THAP9: variants seen among roughly 807,000 people sequenced by gnomAD.
THAP9 encodes DNA transposase THAP9.
A neutral mutation model predicts 35.7 loss-of-function variants in THAP9; 20 were observed. The observed-to-expected ratio is 0.56, with a 90% CI of 0.39 to 0.81. The LOEUF is 0.81. Among genes scored for constraint, THAP9 ranks in the 40% least tolerant of loss-of-function variants. The pLI is 0.00. For synonymous variants in THAP9, 335 were observed against 373.7 expected (o/e 0.90, Z 1.19); for missense variants, 870 against 1,047.4 (o/e 0.83, Z 2.34).
intron 1 of THAP9, chr4:82,901,124 G>T (rs946929885): frequency 2.9e-6 from 2 of 690,650 alleles, no homozygotes; most frequent in Admixed American, 2.0e-5. Flanking sequence ...GCTTTAAGGA[G>T]AGTTACGCGA....
At chr4:82,912,266 A>C (rs2126015060) in intron 4 of THAP9, among the ~76,000 whole-genome samples, 1 of 152,308 alleles carries the variant, frequency 6.6e-6, no homozygotes, top group East Asian at 1.9e-4. Context: ...TCATAGATAG[A>C]AAATGCTGGC....
chr4:82,912,771 G>A lies in THAP9; in HGVS notation c.732-4173G>A, dbSNP rs534140041. On this transcript the variant is annotated intron_variant, in intron 4 of 4. Coordinates refer to ENST00000302236, the MANE Select transcript of THAP9 (RefSeq NM_024672.6). Reference sequence around the variant, plus strand: ...TGTATATGTGTAAGGGTGCACATGCGTGCATATACACATTGTGGTACTGTT... The same window carrying A: ...TGTATATGTGTAAGGGTGCACATGCATGCATATACACATTGTGGTACTGTT... 5.3e-5 allele frequency among the ~76,000 whole-genome samples: 8 copies of A among 152,218 alleles called. No homozygotes were observed. In the South Asian group the frequency reaches 1.0e-3, roughly 20 times the overall value.
intron 1 of THAP9, among the ~76,000 whole-genome samples, chr4:82,904,278 T>G (rs1368501398): frequency 6.6e-6 from 1 of 152,058 alleles, no homozygotes; most frequent in African/African-American, 2.4e-5. Context: ...TTGTCCAGGC[T>G]GGTCTTGAAC....
rs1721096227 is a variant in THAP9 at position 82,917,875 on chromosome 4, G to A, written c.1663G>A (p.Val555Ile). The change falls in exon 5 of 5, where the codon GTT (valine) becomes ATT (isoleucine). Residue 555 changes from valine to isoleucine, a missense_variant. Val to Ile is a conservative substitution (Grantham distance 29). Coordinates refer to ENST00000302236, the MANE Select transcript of THAP9 (RefSeq NM_024672.6). Reference protein sequence around the residue: ...HVLIEAKTIFVTLSDTSNNQI... With the variant: ...HVLIEAKTIFITLSDTSNNQI... The stretch of plus-strand genomic sequence containing the variant: ...GTTAATTGAAGCCAAGACTATTTTT[G>A]TTACATTATCTGACACTAGCAATAA... 6.2e-7 allele frequency: 1 copy of A among 1,613,020 alleles called. No individual in the cohort carries two copies. Among genetic ancestry groups the A allele is most frequent in the South Asian group, 1.1e-5 (1 of 91,030 alleles).
intron 4 of THAP9, among the ~76,000 whole-genome samples, chr4:82,915,239 A>ATTGTT (rs6148550): frequency 3.0e-4 from 45 of 151,444 alleles, no homozygotes; most frequent in African/African-American, 1.1e-3. Context: ...TAAGTATGTT[A>ATTGTT]TTGTTTTGTT....
intron 1 of THAP9, chr4:82,901,119 A>C (rs1385546420): frequency 2.9e-6 from 2 of 693,106 alleles, no homozygotes; most frequent in Non-Finnish European, 5.3e-6. Flanking sequence ...CTACCGCTTT[A>C]AGGAGAGTTA....
In THAP9 at chr4:82,917,639, A is replaced by G; in HGVS notation, c.1427A>G (p.Asn476Ser). Residue 476 changes from asparagine to serine, a missense_variant, in exon 5 of 5, where the codon AAT (asparagine) becomes AGT (serine). Coordinates refer to ENST00000302236, the MANE Select transcript of THAP9 (RefSeq NM_024672.6). ...ANLKNHVLKV[N>S]SATQLFSESV... ...TTGAAAAATCATGTACTGAAAGTGA[A>G]TAGTGCCACCCAACTCTTTAGTGAG... The G allele has an allele frequency of 1.2e-6, 2 of 1,613,960 alleles. No individual in the cohort carries two copies. The highest frequency in any genetic ancestry group is 2.7e-5 in the African/African-American group (2 of 75,056).
At chr4:82,905,339 A>G (rs1364465844) in intron 2 of THAP9, among the ~76,000 whole-genome samples, 2 of 152,162 alleles carry the variant, frequency 1.3e-5, no homozygotes, top group African/African-American at 4.8e-5. Flanking sequence ...TTGATACAGG[A>G]AGTATGTGGG....
Position 82,918,301 on chromosome 4 carries a change from T to C in THAP9, c.2089T>C (p.Ser697Pro). Residue 697 changes from serine (S) to proline (P), a missense_variant, in exon 5 of 5, where the codon TCT becomes CCT. This residue lies in a region of THAP9 where 414 missense variants were observed against 500.8 expected (regional missense o/e 0.83). Coordinates refer to ENST00000302236, the MANE Select transcript of THAP9 (RefSeq NM_024672.6). ...CGAAGAGGGTATTTGTCAAGACTGGTCTCATTGTTCACTAAGTGAGGCATT... is the reference window on the plus strand; with the variant it reads ...CGAAGAGGGTATTTGTCAAGACTGGCCTCATTGTTCACTAAGTGAGGCATT... ...FHEEGICQDWSHCSLSEALLD... is the reference protein window; with the variant it reads ...FHEEGICQDWPHCSLSEALLD... The C allele has an allele frequency of 6.2e-7, 1 of 1,614,178 alleles. No homozygotes were observed. Among genetic ancestry groups the C allele is most frequent in the Admixed American group, 1.7e-5 (1 of 60,022 alleles).
At position 82,913,047 on chromosome 4, in the gene THAP9, TG is replaced by T. The variant is rs533269371; in HGVS notation, c.732-3896del. Among the ~76,000 whole-genome samples the T allele has an allele frequency of 1.3e-3, 194 of 152,332 alleles. 1 individual carries two copies. The highest frequency in any genetic ancestry group is 9.7e-3 in the South Asian group (47 of 4,828). On this transcript the variant is annotated intron_variant, in intron 4 of 4. Coordinates refer to ENST00000302236, the MANE Select transcript of THAP9 (RefSeq NM_024672.6). ...TTTTACTTCTTTATACTTTTTGTAT[TG>T]TTTTTTTAAAAAGAATGTGTCTTTT...
At chr4:82,908,684 C>T (rs991403125) in intron 4 of THAP9, among the ~76,000 whole-genome samples, 4 of 152,210 alleles carry the variant, frequency 2.6e-5, no homozygotes, top group African/African-American at 7.2e-5. Flanking sequence ...CCTTGCCTTC[C>T]AGGTTCAAGC....
At chr4:82,905,504 T>G (rs1375217277) in intron 2 of THAP9, among the ~76,000 whole-genome samples, 2 of 150,084 alleles carry the variant, frequency 1.3e-5, no homozygotes, top group Non-Finnish European at 3.0e-5. Flanking sequence ...ACCTAACTGT[T>G]CTATTCTGAC....
At chr4:82,902,239 T>C (rs1349488313) in intron 1 of THAP9, among the ~76,000 whole-genome samples, 2 of 147,890 alleles carry the variant, frequency 1.4e-5, no homozygotes, top group Admixed American at 6.8e-5. Flanking sequence ...CTCATGGGAC[T>C]ACAGGCACAG....
Position 82,907,805 on chromosome 4 carries a change from A to G in THAP9, c.601A>G (p.Asn201Asp), listed in dbSNP as rs1412869227. Residue 201 changes from asparagine (N) to aspartate (D), a missense_variant, in exon 4 of 5, where the codon AAT (asparagine) becomes GAT (aspartate). Around this residue, in one of 3 missense-constraint regions of THAP9, gnomAD observed 440 missense variants for 501.2 expected, o/e 0.88. Transcript: ENST00000302236. ...AACAGATTTTAAGTGGGAGTTATATAATTGGAGAGAAACAGATGAGTACTC... is the reference window on the plus strand; with the variant it reads ...AACAGATTTTAAGTGGGAGTTATATGATTGGAGAGAAACAGATGAGTACTC... ...QFSDFKWELYNWRETDEYSAE... is the reference protein window; with the variant it reads ...QFSDFKWELYDWRETDEYSAE... 1.3e-6 allele frequency: 2 copies of G among 1,588,878 alleles called. No individual in the cohort carries two copies. The highest frequency in any genetic ancestry group is 1.7e-6 in the Non-Finnish European group (2 of 1,172,644).
In THAP9 at chr4:82,917,793, T is replaced by C. The variant is rs1325238699; in HGVS notation, c.1581T>C (p.Tyr527=). ...LFDIFNSRNC[Y]GKGLKGPLLP... The stretch of plus-strand genomic sequence containing the variant: ...ACATCTTTAATAGTAGGAACTGTTA[T>C]GGAAAGGGACTTAAAGGGCCTCTGT... The change falls in exon 5 of 5, where the codon TAT becomes TAC. Residue 527 remains tyrosine (Y), a synonymous_variant. Transcript: ENST00000302236. The C allele has an allele frequency of 6.2e-6, 10 of 1,613,878 alleles. No homozygotes were observed. The highest frequency in any genetic ancestry group is 3.3e-5 in the Admixed American group (2 of 60,002).
intron 4 of THAP9, chr4:82,913,476 T>G (rs926356942): frequency 4.6e-5 from 7 of 152,244 alleles, no homozygotes; most frequent in African/African-American, 1.4e-4. Context: ...CAATTAAAAT[T>G]GGATGACACA....
chr4:82,914,841 T>C (rs1720986012), intron 4 of THAP9, among the ~76,000 whole-genome samples: 1 of 152,240 alleles, frequency 6.6e-6, no homozygotes, highest in African/African-American at 2.4e-5. Flanking sequence ...CAATTTTTGC[T>C]TCTGTTATGA....
intron 2 of THAP9, among the ~76,000 whole-genome samples, chr4:82,905,135 C>G (rs1720592736): frequency 6.6e-6 from 1 of 151,754 alleles, no homozygotes; most frequent in South Asian, 2.1e-4. Context: ...TATATAAATG[C>G]AAATCATTTG....
intron 4 of THAP9, among the ~76,000 whole-genome samples, chr4:82,909,653 G>A (rs1245416982): frequency 6.6e-6 from 1 of 151,894 alleles, no homozygotes; most frequent in African/African-American, 2.4e-5. Context: ...TTACATTTTG[G>A]GGTTATAATT....
Sources: gnomAD v4.1 joint callset for allele counts (sites outside exome capture counted in the v4.1 genomes callset) on GRCh38, gnomAD v4.1.1 for gene constraint, gnomAD v4.1.1 regional missense constraint, MANE v1.5 for transcripts, NCBI Gene and HGNC (gene_info 2026-07-23, HGNC 2026-07-21) for gene names.